LRCH1: variants seen among roughly 807,000 people sequenced by gnomAD.
LRCH1 encodes the protein leucine-rich repeat and calponin homology domain-containing protein 1.
Under a neutral mutation model 94.9 loss-of-function variants are expected in LRCH1, and 23 were observed. That is an observed-to-expected ratio of 0.24 (90% CI 0.17 to 0.34). The LOEUF (loss-of-function observed/expected upper bound fraction) is 0.34, where lower values mean the gene tolerates loss of function less well. Among genes scored for constraint, LRCH1 ranks in the 10% least tolerant of loss-of-function variants. LRCH1 has a pLI of 1.00. For synonymous variants in LRCH1, 364 were observed against 354.9 expected (o/e 1.03, Z -0.29); for missense variants, 790 against 945.9 (o/e 0.84, Z 2.16).
chr13:46,735,300 A>G (rs1449172967), intron 19 of LRCH1, among the ~76,000 whole-genome samples: 1 of 152,228 alleles, frequency 6.6e-6, no homozygotes. Context: ...TACCTTTTCT[A>G]ATGATTTGAT....
chr13:46,751,678 T>C (rs1874147250), exon 19 of LRCH1: 2 of 152,220 alleles, frequency 1.3e-5, no homozygotes, highest in Admixed American at 1.3e-4. Context: ...GCACTGTAAC[T>C]TGGGTTACGT....
At chr13:46,624,748 A>C (rs1176265630) in intron 1 of LRCH1, among the ~76,000 whole-genome samples, 1 of 152,238 alleles carries the variant, frequency 6.6e-6, no homozygotes, top group Non-Finnish European at 1.5e-5. Context: ...GGATGAAGCA[A>C]AAAGAAAAAC....
chr13:46,571,063 C>T (rs186440753), intron 1 of LRCH1, among the ~76,000 whole-genome samples: 2 of 152,362 alleles, frequency 1.3e-5, no homozygotes, highest in East Asian at 3.9e-4. Context: ...TGCTGAAATT[C>T]ACCCTAGAGT....
chr13:46,696,870 A>T (rs111586739), intron 9 of LRCH1, among the ~76,000 whole-genome samples: 1 of 152,058 alleles, frequency 6.6e-6, no homozygotes, highest in African/African-American at 2.4e-5. Context: ...GGAGTTCAAG[A>T]TCAGCCTGGG....
At chr13:46,739,571 T>G (rs1235931281) in intron 19 of LRCH1, among the ~76,000 whole-genome samples, 1 of 152,152 alleles carries the variant, frequency 6.6e-6, no homozygotes, top group African/African-American at 2.4e-5. Context: ...TTAGCCCTGG[T>G]TTGCTTCATG....
intron 3 of LRCH1, among the ~76,000 whole-genome samples, chr13:46,678,689 CTGCCAAATAAGT>C (rs1178610292): frequency 6.6e-6 from 1 of 152,186 alleles, no homozygotes; most frequent in African/African-American, 2.4e-5. Context: ...ATTTTCCCTA[CTGCCAAATAAGT>C]TTTCAAATAT....
intron 1 of LRCH1, among the ~76,000 whole-genome samples, chr13:46,645,393 C>A (rs2051207725): frequency 6.6e-6 from 1 of 151,970 alleles, no homozygotes; most frequent in African/African-American, 2.4e-5. Context: ...AATAATGTGC[C>A]AATATTTAAT....
chr13:46,668,834 T>TAA (rs3832914), intron 2 of LRCH1, among the ~76,000 whole-genome samples, 196 bp from the exon 3 acceptor site: 1 of 150,570 alleles, frequency 6.6e-6, no homozygotes, highest in Non-Finnish European at 1.5e-5. Flanking sequence ...TATTTTTTTT[T>TAA]AAAAAAAGAA....
intron 11 of LRCH1, among the ~76,000 whole-genome samples, chr13:46,703,084 C>A (rs1294783016): frequency 6.6e-6 from 1 of 152,152 alleles, no homozygotes; most frequent in Non-Finnish European, 1.5e-5. Flanking sequence ...GAGTTGAATT[C>A]TACATCCCAA....
intron 1 of LRCH1, among the ~76,000 whole-genome samples, chr13:46,622,632 A>C (rs1430593623): frequency 6.6e-6 from 1 of 152,200 alleles, no homozygotes; most frequent in Admixed American, 6.5e-5. Context: ...CTGCTTTTTA[A>C]ATAAATTCAA....
chr13:46,689,093 C>A (rs1355401498), intron 6 of LRCH1, 40 bp from the exon 7 acceptor site: 145 of 1,482,622 alleles, frequency 9.8e-5, no homozygotes, highest in Non-Finnish European at 1.3e-4. Flanking sequence ...TGATTTTAAT[C>A]TTTTTTAAAT....
At chr13:46,581,294 T>G (rs761542654) in intron 1 of LRCH1, among the ~76,000 whole-genome samples, 9 of 151,814 alleles carry the variant, frequency 5.9e-5, no homozygotes, top group Non-Finnish European at 1.2e-4. Flanking sequence ...GCAACTGGAG[T>G]ATGGTGTTAA....
Position 46,553,526 on chromosome 13 carries a change from G to T in LRCH1, c.130G>T (p.Gly44Trp), listed in dbSNP as rs1215438992. 6.5e-7 allele frequency: 1 copy of T among 1,546,408 alleles called. No homozygotes were observed. Among genetic ancestry groups the T allele is most frequent in the Non-Finnish European group, 8.7e-7 (1 of 1,144,696 alleles). Residue 44 changes from glycine to tryptophan, a missense_variant, in exon 1 of 20, where the codon GGG becomes TGG. Coordinates refer to ENST00000389797, the MANE Select transcript of LRCH1 (RefSeq NM_001164211.2). ...CCACGGAGGAACCGGCGCCCCCGGC[G>T]GGGCGGGTGGTGGCGGCGGTGGCAG... ...QHHGGTGAPG[G>W]AGGGGGGSGG... is the part of the protein sequence containing the mutation.
chr13:46,671,342 C>G (rs2051598702), intron 3 of LRCH1, among the ~76,000 whole-genome samples: 1 of 152,220 alleles, frequency 6.6e-6, no homozygotes, highest in South Asian at 2.1e-4. Context: ...TTGGCTTTCT[C>G]TGTGCCAGCT....
At chr13:46,672,119 A>T (rs1254608893) in intron 3 of LRCH1, among the ~76,000 whole-genome samples, 1 of 152,182 alleles carries the variant, frequency 6.6e-6, no homozygotes, top group Non-Finnish European at 1.5e-5. Context: ...CCAGAATGTC[A>T]TGTAGTTGGA....
intron 1 of LRCH1, among the ~76,000 whole-genome samples, chr13:46,579,128 T>C (rs1330032258): frequency 6.6e-6 from 1 of 152,154 alleles, no homozygotes; most frequent in African/African-American, 2.4e-5. Context: ...AAACAAAATA[T>C]TCCAAAGGAA....
At position 46,553,525 on chromosome 13, in the gene LRCH1, C is replaced by G. The variant is rs1594238334; in HGVS notation, c.129C>G (p.Gly43=). Reference sequence around the variant, plus strand: ...ACCACGGAGGAACCGGCGCCCCCGGCGGGGCGGGTGGTGGCGGCGGTGGCA... The same window carrying G: ...ACCACGGAGGAACCGGCGCCCCCGGGGGGGCGGGTGGTGGCGGCGGTGGCA... The part of the protein sequence containing the change: ...HQHHGGTGAP[G]GAGGGGGGSG... The change falls in exon 1 of 20, where the codon GGC becomes GGG. Residue 43 remains glycine (G), a synonymous_variant. Transcript: ENST00000389797. 1 of 1,545,946 alleles carries G rather than the reference C, an allele frequency of 6.5e-7. No individual in the cohort carries two copies. Among genetic ancestry groups the G allele is most frequent in the Non-Finnish European group, 8.7e-7 (1 of 1,144,474 alleles).
intron 2 of LRCH1, among the ~76,000 whole-genome samples, chr13:46,660,068 G>A (rs1381447596): frequency 7.3e-6 from 1 of 137,292 alleles, no homozygotes; most frequent in African/African-American, 2.8e-5. Context: ...CTGGAGTGCA[G>A]TGGCGCGATC....
chr13:46,630,233 A>AT (rs1220665260), intron 1 of LRCH1, among the ~76,000 whole-genome samples: 2 of 152,220 alleles, frequency 1.3e-5, no homozygotes, highest in Non-Finnish European at 2.9e-5. Flanking sequence ...TCCCTGAGGC[A>AT]TAATCAGTGG....
Sources: gnomAD v4.1 joint callset for allele counts (sites outside exome capture counted in the v4.1 genomes callset) on GRCh38, gnomAD v4.1.1 for gene constraint, MANE v1.5 for transcripts, NCBI Gene and HGNC (gene_info 2026-07-23, HGNC 2026-07-21) for gene names.